The following CADM2 variants were observed in gnomAD, a reference collection of about 807,000 sequenced individuals.
The protein encoded by CADM2 is immunoglobulin superfamily member 4D.
CADM2 carries 12 observed loss-of-function variants against 49.8 expected under a neutral mutation model. The observed-to-expected ratio is 0.24, with a 90% CI of 0.15 to 0.39. CADM2 has a LOEUF of 0.39. Ranked by LOEUF, CADM2 falls within the 10% of genes least tolerant of loss-of-function variation. The probability of loss-of-function intolerance (pLI) is 1.00; values close to 1 mark genes in which losing one functional copy is unlikely to be tolerated. For synonymous variants in CADM2, 214 were observed against 175.4 expected (o/e 1.22, Z -1.74); for missense variants, 378 against 492.3 (o/e 0.77, Z 2.20).
intron 1 of CADM2, among the ~76,000 whole-genome samples, chr3:85,588,057 G>A (rs536116543): frequency 2.1e-4 from 32 of 152,056 alleles, no homozygotes; most frequent in African/African-American, 6.3e-4. Context: ...ATTAGCCATC[G>A]TGCATGGCTG....
chr3:86,004,944 C>G (rs1434094269), intron 8 of CADM2, among the ~76,000 whole-genome samples: 2 of 152,154 alleles, frequency 1.3e-5, no homozygotes, highest in African/African-American at 4.8e-5. Flanking sequence ...TTCAGTTTCT[C>G]CCTAAAGCCC....
At chr3:85,291,049 A>T (rs1274773492) in intron 1 of CADM2, among the ~76,000 whole-genome samples, 2 of 152,306 alleles carry the variant, frequency 1.3e-5, no homozygotes, top group East Asian at 3.9e-4. Flanking sequence ...TAAAAAATTT[A>T]GAAGAATGTA....
chr3:85,303,870 T>C (rs72921337), intron 1 of CADM2, among the ~76,000 whole-genome samples: 14,369 of 151,816 alleles, frequency 0.095, 1,401 homozygotes, highest in African/African-American at 0.25. Context: ...ATGATATAAC[T>C]AGGTAGCAAT....
chr3:85,532,998 T>C (rs1052705406), intron 1 of CADM2, among the ~76,000 whole-genome samples: 2 of 152,102 alleles, frequency 1.3e-5, no homozygotes, highest in African/African-American at 2.4e-5. Flanking sequence ...ACAGGGCCTC[T>C]TGGAGGGTGG....
chr3:85,831,269 T>C (rs1490093554), intron 3 of CADM2, among the ~76,000 whole-genome samples: 1 of 152,000 alleles, frequency 6.6e-6, no homozygotes, highest in Non-Finnish European at 1.5e-5. Context: ...TCTTTAGTAT[T>C]GTGACTAGTG....
chr3:85,050,565 C>T (rs923299274), intron 1 of CADM2, among the ~76,000 whole-genome samples: 1 of 151,950 alleles, frequency 6.6e-6, no homozygotes, highest in African/African-American at 2.4e-5. Context: ...ATAGTATATG[C>T]ATTTTAAAAT....
chr3:85,894,230 A>C (rs1714891314), intron 5 of CADM2, among the ~76,000 whole-genome samples: 1 of 152,176 alleles, frequency 6.6e-6, no homozygotes, highest in African/African-American at 2.4e-5. Context: ...CATCATTCTC[A>C]GCAAACTATT....
intron 1 of CADM2, among the ~76,000 whole-genome samples, chr3:85,256,621 A>G (rs2107876303): frequency 6.6e-6 from 1 of 152,268 alleles, no homozygotes; most frequent in South Asian, 2.1e-4. Flanking sequence ...TCACTCTTTC[A>G]GAAATCTCAT....
At position 85,877,911 on chromosome 3, in the gene CADM2, A is replaced by G. The variant is rs537079857; in HGVS notation, c.239-5380A>G. ...ATAGTGAAACAAGGTTCCTGCTCAC[A>G]GGAAACCCACTGAGTTATAGTATAT... On this transcript the variant is annotated intron_variant, in intron 3 of 9. Coordinates refer to ENST00000383699, the MANE Select transcript of CADM2 (RefSeq NM_001167675.2). 7.9e-5 allele frequency among the ~76,000 whole-genome samples: 12 copies of G among 152,178 alleles called. No homozygotes were observed. In the East Asian group the frequency reaches 1.7e-3, roughly 22 times the overall value.
intron 8 of CADM2, among the ~76,000 whole-genome samples, chr3:86,012,031 T>C (rs1731576543): frequency 1.3e-5 from 2 of 152,024 alleles, no homozygotes; most frequent in Admixed American, 1.3e-4. Flanking sequence ...TGTTATAAAA[T>C]ATTATCTTAT....
intron 8 of CADM2, among the ~76,000 whole-genome samples, chr3:85,982,883 G>T (rs974053915): frequency 6.6e-6 from 1 of 151,314 alleles, no homozygotes; most frequent in Non-Finnish European, 1.5e-5. Context: ...ATTTCTTTTT[G>T]GTTTACTTAT....
intron 1 of CADM2, among the ~76,000 whole-genome samples, chr3:85,643,165 T>A (rs1017025137): frequency 6.6e-6 from 1 of 152,184 alleles, no homozygotes; most frequent in Non-Finnish European, 1.5e-5. Context: ...AATGGTGATT[T>A]TGAATTGTAC....
At chr3:85,943,486 T>G (rs1338821845) in intron 7 of CADM2, among the ~76,000 whole-genome samples, 1 of 150,372 alleles carries the variant, frequency 6.7e-6, no homozygotes, top group Non-Finnish European at 1.5e-5. Flanking sequence ...GTTTAAGTCT[T>G]TAATCCATCT....
At chr3:85,629,446 T>A (rs193255961) in intron 1 of CADM2, among the ~76,000 whole-genome samples, 42 of 151,872 alleles carry the variant, frequency 2.8e-4, no homozygotes, top group African/African-American at 9.9e-4. Flanking sequence ...GAGAACAATG[T>A]TTGCATTGGT....
At chr3:85,718,142 A>G (rs1212374972) in intron 1 of CADM2, among the ~76,000 whole-genome samples, 1 of 152,176 alleles carries the variant, frequency 6.6e-6, no homozygotes, top group Non-Finnish European at 1.5e-5. Flanking sequence ...TTGGTAACAT[A>G]TTCTGAAGTG....
At chr3:85,283,665 G>A (rs535544753) in intron 1 of CADM2, among the ~76,000 whole-genome samples, 7 of 152,120 alleles carry the variant, frequency 4.6e-5, no homozygotes, top group African/African-American at 1.7e-4. Context: ...GACTCTTTAA[G>A]TGTGAGATGA....
intron 1 of CADM2, among the ~76,000 whole-genome samples, chr3:85,660,646 CA>C (rs1285388553): frequency 2.0e-5 from 3 of 151,972 alleles, no homozygotes; most frequent in African/African-American, 7.2e-5. Context: ...AGTTTATCAG[CA>C]GGGGGCAGGT....
chr3:85,288,939 T>A (rs2043705914), intron 1 of CADM2, among the ~76,000 whole-genome samples: 2 of 152,190 alleles, frequency 1.3e-5, no homozygotes, highest in Admixed American at 1.3e-4. Flanking sequence ...GTTCTTGAGA[T>A]AAATACACAC....
chr3:85,604,098 A>T (rs1291056101), intron 1 of CADM2, among the ~76,000 whole-genome samples: 1 of 151,870 alleles, frequency 6.6e-6, no homozygotes, highest in Non-Finnish European at 1.5e-5. Flanking sequence ...TCACCTAATC[A>T]TCATATGTAG....
Sources: gnomAD v4.1 joint callset for allele counts (sites outside exome capture counted in the v4.1 genomes callset) on GRCh38, gnomAD v4.1.1 for gene constraint, MANE v1.5 for transcripts, NCBI Gene and HGNC (gene_info 2026-07-23, HGNC 2026-07-21) for gene names.